The following EXT1 variants were observed in gnomAD, a reference collection of about 807,000 sequenced individuals.
The protein encoded by EXT1 is exostosin glycosyltransferase 1, also known as exostosin-1.
In EXT1, 20 loss-of-function variants were observed where a neutral mutation model predicts 82.5. That is an observed-to-expected ratio of 0.24 (90% CI 0.17 to 0.35). The LOEUF is 0.35. Among genes scored for constraint, EXT1 ranks in the 10% least tolerant of loss-of-function variants. The pLI, the probability that EXT1 is intolerant of heterozygous loss-of-function variation, is 1.00. For missense variants in EXT1, 757 were observed against 936.5 expected (o/e 0.81, Z 2.50); for synonymous variants, 348 against 350.8 (o/e 0.99, Z 0.09).
At chr8:117,985,355 C>T (rs1028132853) in intron 1 of EXT1, among the ~76,000 whole-genome samples, 3 of 152,160 alleles carry the variant, frequency 2.0e-5, no homozygotes, top group African/African-American at 7.2e-5. Context: ...GAGAGAAAAC[C>T]TCTAGCGGGC....
At chr8:117,921,214 C>G (rs1813848424) in intron 1 of EXT1, among the ~76,000 whole-genome samples, 1 of 152,110 alleles carries the variant, frequency 6.6e-6, no homozygotes, top group Non-Finnish European at 1.5e-5. Flanking sequence ...AACAAGGGCA[C>G]AGCTTTTCAA....
intron 1 of EXT1, among the ~76,000 whole-genome samples, chr8:118,042,939 C>T (rs548423906): frequency 6.6e-6 from 1 of 152,292 alleles, no homozygotes; most frequent in African/African-American, 2.4e-5. Context: ...ATTATTATCT[C>T]ACTCCCTTAC....
chr8:117,894,074 C>A (rs914495123), intron 1 of EXT1, among the ~76,000 whole-genome samples: 1 of 152,150 alleles, frequency 6.6e-6, no homozygotes, highest in African/African-American at 2.4e-5. Flanking sequence ...GGCTACATAT[C>A]CCCACTTGTT....
intron 1 of EXT1, among the ~76,000 whole-genome samples, chr8:117,989,110 A>G (rs1815382365): frequency 6.6e-6 from 1 of 152,010 alleles, no homozygotes; most frequent in Non-Finnish European, 1.5e-5. Flanking sequence ...ACTCTGTGAA[A>G]TATCTCCCTT....
chr8:117,920,127 C>CA (rs1813826462), intron 1 of EXT1, among the ~76,000 whole-genome samples: 1 of 152,034 alleles, frequency 6.6e-6, no homozygotes, highest in East Asian at 1.9e-4. Flanking sequence ...TTTTTTGAGA[C>CA]AGAGTCTCAA....
At chr8:117,887,114 A>T (rs934783057) in intron 1 of EXT1, among the ~76,000 whole-genome samples, 2 of 152,138 alleles carry the variant, frequency 1.3e-5, no homozygotes, top group African/African-American at 2.4e-5. Flanking sequence ...ATAAAATGGG[A>T]TCACCTTTGT....
chr8:118,098,809 T>A (rs1586273069), intron 1 of EXT1, among the ~76,000 whole-genome samples: 1 of 148,136 alleles, frequency 6.8e-6, no homozygotes, highest in Non-Finnish European at 1.5e-5. Flanking sequence ...CACCACAGGA[T>A]CAGAAAACTT....
intron 1 of EXT1, among the ~76,000 whole-genome samples, chr8:117,882,990 A>G (rs1414578549): frequency 6.6e-6 from 1 of 151,886 alleles, no homozygotes; most frequent in East Asian, 1.9e-4. Context: ...GAAAAAAAAA[A>G]AAAAAAGAAA....
intron 1 of EXT1, among the ~76,000 whole-genome samples, chr8:117,994,869 C>T (rs1052722882): frequency 6.6e-6 from 1 of 152,224 alleles, no homozygotes; most frequent in African/African-American, 2.4e-5. Flanking sequence ...GAACACCCAG[C>T]AGACGGTCTG....
intron 1 of EXT1, among the ~76,000 whole-genome samples, chr8:118,049,583 C>T (rs1350160880): frequency 6.6e-6 from 1 of 152,120 alleles, no homozygotes. Flanking sequence ...GAATGCTGCT[C>T]TTATGAGGCT....
chr8:118,063,081 A>AT (rs11344597), intron 1 of EXT1, among the ~76,000 whole-genome samples: 372 of 149,554 alleles, frequency 2.5e-3, no homozygotes, highest in African/African-American at 7.2e-3. Context: ...TTTCTGGAGA[A>AT]TTTTTTTTTT....
chr8:117,815,862 G>A (rs553777310), intron 7 of EXT1, among the ~76,000 whole-genome samples: 44 of 151,604 alleles, frequency 2.9e-4, no homozygotes, highest in African/African-American at 1.1e-3. Context: ...CCCAGGAGGC[G>A]GAGATTGCAG....
intron 8 of EXT1, among the ~76,000 whole-genome samples, chr8:117,809,209 G>GTATAAATAAATATATATA (rs1471755255): frequency 1.2e-5 from 1 of 86,030 alleles, no homozygotes; most frequent in African/African-American, 4.1e-5. Context: ...ATATGTGTGT[G>GTATAAATAAATATATATA]TGTGTATAAA....
chr8:118,064,384 T>C (rs1816939159), intron 1 of EXT1, among the ~76,000 whole-genome samples: 2 of 152,170 alleles, frequency 1.3e-5, no homozygotes, highest in Non-Finnish European at 2.9e-5. Flanking sequence ...TGTGTCCATG[T>C]GTTCTCACTA....
intron 1 of EXT1, among the ~76,000 whole-genome samples, chr8:117,971,614 T>A (rs1037014749): frequency 5.9e-5 from 9 of 152,168 alleles, no homozygotes; most frequent in Admixed American, 5.9e-4. Context: ...AATAATTCAA[T>A]TACAAGGAGG....
intron 1 of EXT1, among the ~76,000 whole-genome samples, chr8:117,876,199 A>C (rs1812967337): frequency 6.6e-6 from 1 of 152,234 alleles, no homozygotes; most frequent in African/African-American, 2.4e-5. Flanking sequence ...ATCGGGGTAT[A>C]CTGGGACAGA....
chr8:117,867,167 A>G (rs62521109), intron 1 of EXT1, among the ~76,000 whole-genome samples: 26,875 of 149,488 alleles, frequency 0.18, 2,566 homozygotes, highest in East Asian at 0.38. Context: ...GCTGAGGCAG[A>G]AGAACTGCTT....
chr8:117,983,840 ATAC>A (rs1815257742), intron 1 of EXT1, among the ~76,000 whole-genome samples: 1 of 152,230 alleles, frequency 6.6e-6, no homozygotes, highest in Non-Finnish European at 1.5e-5. Context: ...CTGGTCCTCC[ATAC>A]TCTGAATTTA....
At chr8:118,011,649 AGTG>A (rs2129835952) in intron 1 of EXT1, among the ~76,000 whole-genome samples, 1 of 152,308 alleles carries the variant, frequency 6.6e-6, no homozygotes, top group South Asian at 2.1e-4. Context: ...ATATGTGGAA[AGTG>A]ATCATTTCTG....
Sources: gnomAD v4.1 joint callset for allele counts (sites outside exome capture counted in the v4.1 genomes callset) on GRCh38, gnomAD v4.1.1 for gene constraint, MANE v1.5 for transcripts, NCBI Gene and HGNC (gene_info 2026-07-23, HGNC 2026-07-21) for gene names.